The following ARL6IP6 variants were observed in gnomAD, a reference collection of about 807,000 sequenced individuals.
ARL6IP6 encodes ADP-ribosylation factor-like protein 6-interacting protein 6.
In ARL6IP6, 22 loss-of-function variants were observed where a neutral mutation model predicts 21.5. That is an observed-to-expected ratio of 1.02 (90% confidence interval 0.73 to 1.46). The LOEUF is 1.46. Ranked by LOEUF, ARL6IP6 falls within the 40% of genes most tolerant of loss-of-function variation. The probability of loss-of-function intolerance (pLI) is 0.00; values close to 1 mark genes in which losing one functional copy is unlikely to be tolerated. For missense variants in ARL6IP6, 388 were observed against 299.8 expected (o/e 1.29, Z -2.17); for synonymous variants, 164 against 125.3 (o/e 1.31, Z -2.06).
chr2:152,719,907 G>T (rs918786727), intron 1 of ARL6IP6: 1 of 470,550 alleles, frequency 2.1e-6, no homozygotes, highest in African/African-American at 2.0e-5. Flanking sequence ...GCGTTTAGTG[G>T]GCTACAGATG....
chr2:152,736,434 C>A (rs1700554647), intron 3 of ARL6IP6, among the ~76,000 whole-genome samples: 4 of 152,152 alleles, frequency 2.6e-5, no homozygotes, highest in African/African-American at 9.7e-5. Flanking sequence ...AAAACTCTGT[C>A]TTTGCTTTGA....
chr2:152,737,852 C>T (rs893084453), intron 3 of ARL6IP6, among the ~76,000 whole-genome samples: 3 of 152,130 alleles, frequency 2.0e-5, no homozygotes, highest in African/African-American at 7.2e-5. Flanking sequence ...CCTGACCTCT[C>T]CCAAATCTCA....
chr2:152,725,650 CA>C (rs199555084), intron 2 of ARL6IP6, among the ~76,000 whole-genome samples: 10,537 of 136,386 alleles, frequency 0.077, 424 homozygotes, highest in East Asian at 0.16. Context: ...GACGCAAGTG[CA>C]AAAAAAAAAA....
chr2:152,759,992 CT>C lies in ARL6IP6; in HGVS notation c.*156del. 1.6e-6 allele frequency: 1 copy of C among 607,378 alleles called. No individual in the cohort carries two copies. Among genetic ancestry groups the C allele is most frequent in the Admixed American group, 3.0e-5 (1 of 33,320 alleles). The allele number at this position is 607,378 out of a possible 1,614,324, so 37.6% of individuals were successfully genotyped here. A position where few individuals can be genotyped will look rare whatever the true frequency, so the allele number is the denominator to read the frequency against. ...CACAATCATCCTCATTATGGAAGAC[CT>C]TTTAAAGCATTGTTTTAGAATGTCT... On this transcript the variant is annotated 3_prime_UTR_variant, in exon 4 of 4. Coordinates refer to ENST00000326446, the MANE Select transcript of ARL6IP6 (RefSeq NM_152522.7).
chr2:152,734,333 G>C (rs1700456107), intron 2 of ARL6IP6, among the ~76,000 whole-genome samples: 1 of 151,980 alleles, frequency 6.6e-6, no homozygotes, highest in South Asian at 2.1e-4. Context: ...TAAAGAATCA[G>C]AATAGGTTTA....
chr2:152,732,950 G>A (rs1402182736), intron 2 of ARL6IP6, among the ~76,000 whole-genome samples: 3 of 151,206 alleles, frequency 2.0e-5, no homozygotes, highest in East Asian at 3.9e-4. Flanking sequence ...TACGGAACTT[G>A]TGGATAGGAA....
intron 2 of ARL6IP6, among the ~76,000 whole-genome samples, chr2:152,729,262 TG>T (rs1176921071): frequency 6.6e-6 from 1 of 151,886 alleles, no homozygotes; most frequent in Non-Finnish European, 1.5e-5. Flanking sequence ...CCCAGCTACT[TG>T]GGAGGCTGTG....
At chr2:152,719,777 A>T (rs953112560) in intron 1 of ARL6IP6, 1 of 330,914 alleles carries the variant, frequency 3.0e-6, no homozygotes, top group Non-Finnish European at 6.2e-6. Flanking sequence ...AAAAAAAACA[A>T]AAGAACTTTG....
rs186830829 is a variant in ARL6IP6 at position 152,733,946 on chromosome 2, G to T, written c.455-1048G>T. On this transcript the variant is annotated intron_variant, in intron 2 of 3. Transcript: ENST00000326446. ...GTAGCCCCTCAATATAGATTGAGTG[G>T]GTGAATAAGTGAGTTAATTTATAAA... Among the ~76,000 whole-genome samples, 5 of 152,060 alleles carry T rather than the reference G, an allele frequency of 3.3e-5. No homozygotes were observed. The East Asian group carries it at 9.7e-4, about 29-fold the overall frequency.
intron 3 of ARL6IP6, among the ~76,000 whole-genome samples, chr2:152,739,461 T>C (rs1700707743): frequency 6.6e-6 from 1 of 152,222 alleles, no homozygotes; most frequent in East Asian, 1.9e-4. Flanking sequence ...TCACCTTTGC[T>C]GCTCCAGTTC....
intron 3 of ARL6IP6, among the ~76,000 whole-genome samples, chr2:152,744,083 T>G (rs1700935693): frequency 6.6e-6 from 1 of 152,118 alleles, no homozygotes; most frequent in South Asian, 2.1e-4. Flanking sequence ...CCACCTTGAG[T>G]ATAACTCTGT....
intron 3 of ARL6IP6, 135 bp from the exon 4 acceptor site, chr2:152,759,612 T>G (rs1701738092): frequency 3.1e-6 from 2 of 651,262 alleles, no homozygotes; most frequent in African/African-American, 3.6e-5. Flanking sequence ...CAATATTCTT[T>G]AAGTTTTGTA....
At position 152,718,765 on chromosome 2, in the gene ARL6IP6, A is replaced by G; in HGVS notation, c.141A>G (p.Gly47=). The G allele has an allele frequency of 2.5e-6, 4 of 1,609,438 alleles. No individual in the cohort carries two copies. The highest frequency in any genetic ancestry group is 3.4e-6 in the Non-Finnish European group (4 of 1,177,858). ...AAGGCGAAGTCGACGAGGAGGAGGG[A>G]TGCGACCAAGTGGCCCGCGACCTGC... is the stretch of plus-strand genomic sequence containing the variant. The part of the protein sequence containing the change: ...WGEGEVDEEE[G]CDQVARDLRA... Residue 47 remains glycine (G), a synonymous_variant, in exon 1 of 4, where the codon GGA becomes GGG. Coordinates refer to ENST00000326446, the MANE Select transcript of ARL6IP6 (RefSeq NM_152522.7).
At chr2:152,739,752 T>C (rs1574045395) in intron 3 of ARL6IP6, among the ~76,000 whole-genome samples, 1 of 152,230 alleles carries the variant, frequency 6.6e-6, no homozygotes, top group Non-Finnish European at 1.5e-5. Flanking sequence ...AATAAAGATA[T>C]ACCTGAGACT....
chr2:152,751,546 C>G (rs1701332126), intron 3 of ARL6IP6, among the ~76,000 whole-genome samples: 2 of 152,328 alleles, frequency 1.3e-5, no homozygotes, highest in South Asian at 4.1e-4. Context: ...CCACCCTTCT[C>G]AACCTCGAAT....
upstream of ARL6IP6, chr2:152,718,405 G>A: frequency 3.7e-6 from 2 of 546,136 alleles, no homozygotes; most frequent in Non-Finnish European, 5.6e-6. Flanking sequence ...CCCCTTTCCG[G>A]CTACAGCCCT....
intron 3 of ARL6IP6, among the ~76,000 whole-genome samples, chr2:152,736,027 G>A (rs1490020694): frequency 1.3e-5 from 2 of 152,158 alleles, no homozygotes; most frequent in African/African-American, 2.4e-5. Context: ...GACTTCAAAT[G>A]AAATGTGAAT....
At chr2:152,750,957 A>C (rs1206012730) in intron 3 of ARL6IP6, among the ~76,000 whole-genome samples, 1 of 152,230 alleles carries the variant, frequency 6.6e-6, no homozygotes, top group Non-Finnish European at 1.5e-5. Flanking sequence ...TGCCATTTTC[A>C]AAAATATATA....
At position 152,735,011 on chromosome 2, in the gene ARL6IP6, A is replaced by G. The variant is rs182329683; in HGVS notation, c.472A>G (p.Ile158Val). The G allele has an allele frequency of 3.7e-6, 6 of 1,613,150 alleles. No individual in the cohort carries two copies. In the Admixed American group the frequency reaches 8.3e-5, roughly 22 times the overall value. The change falls in exon 3 of 4, where the codon ATA (isoleucine) becomes GTA (valine). Residue 158 changes from isoleucine (I) to valine (V), a missense_variant. Physicochemically the swap from Ile to Val is conservative, Grantham distance 29. Transcript: ENST00000326446. The stretch of plus-strand genomic sequence containing the variant: ...CTGTTAAGGATTCTGGACTCTACTT[A>G]TAATATCCCTAACTGCTGGATTCTC... ...TGLLGFWTLL[I>V]ISLTAGFSCC...
Sources: allele counts gnomAD v4.1 joint callset (sites outside exome capture counted in the v4.1 genomes callset), GRCh38; gene constraint gnomAD v4.1.1; transcripts MANE v1.5; gene names NCBI Gene and HGNC (gene_info 2026-07-23, HGNC 2026-07-21).